RDH13: variants seen among roughly 807,000 people sequenced by gnomAD.
RDH13 encodes the protein retinol dehydrogenase 13 (all-trans and 9-cis).
Under a neutral mutation model 28.3 loss-of-function variants are expected in RDH13, and 35 were observed. That is an observed-to-expected ratio of 1.24 (90% CI 0.95 to 1.64). The LOEUF (loss-of-function observed/expected upper bound fraction) is 1.64, where lower values mean the gene tolerates loss of function less well. RDH13 is among the 40% of genes most tolerant of loss of function. The pLI, the probability that RDH13 is intolerant of heterozygous loss-of-function variation, is 0.00. For missense variants in RDH13, 514 were observed against 446.3 expected (o/e 1.15, Z -1.37); for synonymous variants, 229 against 198.5 (o/e 1.15, Z -1.29).
At chr19:55,060,804 A>G (rs1468241402) in intron 1 of RDH13, among the ~76,000 whole-genome samples, 1 of 152,198 alleles carries the variant, frequency 6.6e-6, no homozygotes, top group African/African-American at 2.4e-5. Context: ...AGCCTGGGCA[A>G]CAGAGCGAGA....
rs759212653 is a variant in RDH13, at chr19:55,045,042, C to T, written c.*32G>A. On this transcript the variant is annotated 3_prime_UTR_variant, in exon 7 of 7. Transcript: ENST00000415061. The stretch of plus-strand genomic sequence containing the variant: ...CGGACAGCTGTCCTCGGTCTGGAGG[C>T]GCCATCCTGGCTTTCAAATCTGCTC... 1.2e-5 allele frequency: 18 copies of T among 1,485,398 alleles called. No homozygotes were observed. The highest frequency in any genetic ancestry group is 4.2e-5 in the African/African-American group (3 of 71,514). The allele number at this position is 1,485,398 out of a possible 1,614,324, so 92.0% of individuals were successfully genotyped here.
At chr19:55,054,127 A>G (rs558772250) in intron 3 of RDH13, among the ~76,000 whole-genome samples, 1 of 152,216 alleles carries the variant, frequency 6.6e-6, no homozygotes, top group Non-Finnish European at 1.5e-5. Context: ...GCACAAGGAC[A>G]GCTCTGGTTC....
At chr19:55,065,296 T>C (rs1424247941), upstream of RDH13, among the ~76,000 whole-genome samples, 1 of 151,340 alleles carries the variant, frequency 6.6e-6, no homozygotes, top group African/African-American at 2.4e-5. Context: ...AGGTGGGAGG[T>C]CTGCTTGAGC....
At position 55,048,665 on chromosome 19, in the gene RDH13, G is replaced by A; in HGVS notation, c.439C>T (p.His147Tyr). 1 of 1,613,914 alleles carries A rather than the reference G, an allele frequency of 6.2e-7. No individual in the cohort carries two copies. Residue 147 changes from histidine (H) to tyrosine (Y), a missense_variant, in exon 4 of 7, where the codon CAC (histidine) becomes TAC (tyrosine). Coordinates refer to ENST00000415061, the MANE Select transcript of RDH13 (RefSeq NM_001145971.2). ...GCCCCTGCCCAGGCCTCACCCAGGT[G>A]GTTAACGCCAAACTGCATCTCGAAG... ...DGFEMQFGVN[H>Y]LGHFLLTNLL...
At chr19:55,052,459 A>G (rs1310573657) in intron 3 of RDH13, among the ~76,000 whole-genome samples, 1 of 150,674 alleles carries the variant, frequency 6.6e-6, no homozygotes, top group Non-Finnish European at 1.5e-5. Flanking sequence ...CAGGAGAATC[A>G]CTTGAACCCA....
chr19:55,056,380 C>G (rs1046642526), intron 3 of RDH13, among the ~76,000 whole-genome samples: 2 of 152,102 alleles, frequency 1.3e-5, no homozygotes, highest in Non-Finnish European at 2.9e-5. Context: ...CGCGCTTGAA[C>G]CCAGGAGGCA....
chr19:55,060,483 C>T (rs2075776329), intron 1 of RDH13, among the ~76,000 whole-genome samples: 1 of 152,222 alleles, frequency 6.6e-6, no homozygotes, highest in Admixed American at 6.5e-5. Flanking sequence ...CTACTACATT[C>T]CTTTTTGCTG....
At chr19:55,064,716 G>A (rs1034230210), upstream of RDH13, among the ~76,000 whole-genome samples, 41 of 149,394 alleles carry the variant, frequency 2.7e-4, no homozygotes, top group Admixed American at 7.4e-4. Flanking sequence ...AGGTTCAAGC[G>A]ATTCTCCTGC....
intron 3 of RDH13, among the ~76,000 whole-genome samples, chr19:55,051,394 G>A (rs1427468269): frequency 2.0e-5 from 3 of 152,112 alleles, no homozygotes; most frequent in African/African-American, 7.2e-5. Context: ...GCCCAGGAGT[G>A]CCGCCAGCTT....
chr19:55,044,794 T>C lies in RDH13; in HGVS notation c.*280A>G, dbSNP rs1177497341. 9 of 451,804 alleles carry C rather than the reference T, an allele frequency of 2.0e-5. No individual in the cohort carries two copies. Among genetic ancestry groups the C allele is most frequent in the Non-Finnish European group, 2.3e-5 (6 of 257,748 alleles). The allele number at this position is 451,804 out of a possible 1,614,324, so 28.0% of individuals were successfully genotyped here. On this transcript the variant is annotated 3_prime_UTR_variant, in exon 7 of 7. Transcript: ENST00000415061. ...GTGGCCTGCAAGTGCACGGAGCCCCTTCCTCCTCGGCCATTCCCAGTTTAG... is the reference window on the plus strand; with the variant it reads ...GTGGCCTGCAAGTGCACGGAGCCCCCTCCTCCTCGGCCATTCCCAGTTTAG...
chr19:55,057,817 T>A (rs991396770), intron 2 of RDH13, among the ~76,000 whole-genome samples: 110 of 150,034 alleles, frequency 7.3e-4, no homozygotes, highest in African/African-American at 2.6e-3. Context: ...ATTATTATTT[T>A]TTTTTTTTTG....
intron 1 of RDH13, 76 bp from the exon 2 acceptor site, chr19:55,059,351 G>A: frequency 1.1e-6 from 1 of 942,268 alleles, no homozygotes; most frequent in Non-Finnish European, 1.6e-6. Flanking sequence ...ATGATCTCAG[G>A]CAACCTTGTC....
Position 55,048,312 on chromosome 19 carries a change from G to GC in RDH13, c.658+16dup. 1 of 1,613,844 alleles carries GC rather than the reference G, an allele frequency of 6.2e-7. No individual in the cohort carries two copies. Among genetic ancestry groups the GC allele is most frequent in the Non-Finnish European group, 8.5e-7 (1 of 1,179,980 alleles). On this transcript the variant is annotated intron_variant, in intron 5 of 6. Transcript: ENST00000415061. ...CAGAGTAAAGCAAGAGGGAGGCCGA[G>GC]CCTAGCGCCCCCGTACCTTGCAGCC... is the stretch of plus-strand genomic sequence containing the variant.
chr19:55,056,025 G>A (rs1568717408), intron 3 of RDH13, among the ~76,000 whole-genome samples: 1 of 150,936 alleles, frequency 6.6e-6, no homozygotes, highest in Non-Finnish European at 1.5e-5. Context: ...ACGGTGGCGG[G>A]TGCCTGTAAT....
intron 6 of RDH13, chr19:55,046,966 G>A (rs554510565): frequency 1.8e-4 from 41 of 227,428 alleles, no homozygotes; most frequent in African/African-American, 9.2e-4. Context: ...CCCTTTCAAG[G>A]AAGGTCTCGT....
At chr19:55,065,237 TA>T (rs1330676174), upstream of RDH13, among the ~76,000 whole-genome samples, 1 of 151,040 alleles carries the variant, frequency 6.6e-6, no homozygotes, top group Non-Finnish European at 1.5e-5. Context: ...ATACAAAAAT[TA>T]GCAGGTTTGG....
rs1190016861 is a variant in RDH13 at position 55,048,543 on chromosome 19, T to G, written c.446-2A>C. 6.2e-7 allele frequency: 1 copy of G among 1,614,014 alleles called. No homozygotes were observed. Among genetic ancestry groups the G allele is most frequent in the Non-Finnish European group, 8.5e-7 (1 of 1,179,998 alleles). Reference sequence around the variant, plus strand: ...GCAAGTTTGTCAAGAGAAAGTGACCTGGATTAAGGATGATGAAAAGGTCAC... The same window carrying G: ...GCAAGTTTGTCAAGAGAAAGTGACCGGGATTAAGGATGATGAAAAGGTCAC... On this transcript the variant is annotated splice_acceptor_variant, in intron 4 of 6. Coordinates refer to ENST00000415061, the MANE Select transcript of RDH13 (RefSeq NM_001145971.2). LOFTEE classifies it high-confidence loss of function.
At chr19:55,047,587 T>G in intron 5 of RDH13, 99 bp from the exon 6 acceptor site, 1 of 1,481,130 alleles carries the variant, frequency 6.8e-7, no homozygotes, top group Non-Finnish European at 9.0e-7. Context: ...GGCACCAGGC[T>G]GCTTCCTGCA....
In RDH13 at chr19:55,044,942, G is replaced by GAACC. The variant is rs1191425221; in HGVS notation, c.*128_*131dup. 3 of 672,506 alleles carry GAACC rather than the reference G, an allele frequency of 4.5e-6. No individual in the cohort carries two copies. Among genetic ancestry groups the GAACC allele is most frequent in the Non-Finnish European group, 7.5e-6 (3 of 399,372 alleles). The allele number at this position is 672,506 out of a possible 1,614,324, so 41.7% of individuals were successfully genotyped here. On this transcript the variant is annotated 3_prime_UTR_variant, in exon 7 of 7. Coordinates refer to ENST00000415061, the MANE Select transcript of RDH13 (RefSeq NM_001145971.2). ...CCACTGCGGCCAGCACCGCCCCCTA[G>GAACC]AACCTACTGCGGGCATGGCGGCCGC...
Sources: gnomAD v4.1 joint callset for allele counts (sites outside exome capture counted in the v4.1 genomes callset) on GRCh38, gnomAD v4.1.1 for gene constraint, MANE v1.5 for transcripts, NCBI Gene and HGNC (gene_info 2026-07-23, HGNC 2026-07-21) for gene names.